Variants in HSBP1L1 observed in about 807,000 individuals in gnomAD.
HSBP1L1 encodes the protein heat shock factor-binding protein 1-like protein 1.
A neutral mutation model predicts 9.7 loss-of-function variants in HSBP1L1; 8 were observed. The ratio of observed to expected loss-of-function variants is 0.82; its 90% CI spans 0.48 to 1.48. The LOEUF (loss-of-function observed/expected upper bound fraction) is 1.48, where lower values mean the gene tolerates loss of function less well. HSBP1L1 is among the 40% of genes most tolerant of loss of function. The probability of loss-of-function intolerance (pLI) is 0.00; values close to 1 mark genes in which losing one functional copy is unlikely to be tolerated. For missense variants in HSBP1L1, 106 were observed against 95.8 expected (o/e 1.11, Z -0.44); for synonymous variants, 39 against 34.4 (o/e 1.13, Z -0.46).
intron 2 of HSBP1L1, 157 bp from the exon 3 acceptor site, chr18:79,967,932 A>T: frequency 1.9e-6 from 1 of 534,812 alleles, no homozygotes. Flanking sequence ...AGGAAAACTC[A>T]GGGAAAGAAG....
intron 3 of HSBP1L1, among the ~76,000 whole-genome samples, chr18:79,969,372 AAAGAAAGAAAGAAAGAAAG>A (rs1365441577): frequency 5.9e-5 from 3 of 50,818 alleles, no homozygotes; most frequent in Non-Finnish European, 1.0e-4. Flanking sequence ...AGAAAGAAAG[AAAGAAAGAAAGAAAGAAAG>A]AAAAAAAAAC....
In HSBP1L1 at chr18:79,970,422, TTA is replaced by T. The variant is rs780798081; in HGVS notation, c.214-16_214-15del. On this transcript the variant is annotated splice_polypyrimidine_tract_variant and intron_variant, in intron 3 of 3. Transcript: ENST00000451882. ...CTGATAGGAGTTACGGCCTGAACGT[TTA>T]TGTCTCCCTAAATAGCTGAAGACCT... 30 of 718,556 alleles carry T rather than the reference TTA, an allele frequency of 4.2e-5. No homozygotes were observed. The African/African-American group carries it at 5.2e-4, about 13-fold the overall frequency. The allele number at this position is 718,556 out of a possible 1,614,324, so 44.5% of individuals were successfully genotyped here.
chr18:79,968,090 G>A lies in HSBP1L1; in HGVS notation c.120G>A (p.Met40Ile). The part of the protein sequence containing the change: ...QALTATLNLR[M>I]EEMGNRIEDL... ...ACGCAGAGCGCCTTAACACTGTACT[G>A]GAAGAAATGGGAAATCGCATTGAGG... is the stretch of plus-strand genomic sequence containing the variant. The change falls in exon 3 of 4, where the codon ATG becomes ATA. Residue 40 changes from methionine to isoleucine, a missense_variant and splice_region_variant. Coordinates refer to ENST00000451882, the MANE Select transcript of HSBP1L1 (RefSeq NM_001136180.2). 1 of 1,545,028 alleles carries A rather than the reference G, an allele frequency of 6.5e-7. No homozygotes were observed. The highest frequency in any genetic ancestry group is 8.8e-7 in the Non-Finnish European group (1 of 1,141,096).
chr18:79,966,642 C>T lies in HSBP1L1; in HGVS notation c.82C>T (p.His28Tyr), dbSNP rs2051258663. 2.6e-6 allele frequency: 4 copies of T among 1,550,346 alleles called. No individual in the cohort carries two copies. Among genetic ancestry groups the T allele is most frequent in the Non-Finnish European group, 3.5e-6 (4 of 1,146,038 alleles). The part of the protein sequence containing the change: ...AENLFQELQE[H>Y]FQALTATLNL... ...AAATCTATTTCAGGAACTTCAGGAA[C>T]ATTTTCAAGCTCTGACGGCAACATT... The change falls in exon 2 of 4, where the codon CAT (histidine) becomes TAT (tyrosine). Residue 28 changes from histidine (H) to tyrosine (Y), a missense_variant. Coordinates refer to ENST00000451882, the MANE Select transcript of HSBP1L1 (RefSeq NM_001136180.2).
Position 79,970,532 on chromosome 18 carries a change from C to A in HSBP1L1, c.*81C>A. 1.4e-6 allele frequency: 1 copy of A among 716,448 alleles called. No homozygotes were observed. The highest frequency in any genetic ancestry group is 1.5e-5 in the South Asian group (1 of 67,526). The allele number at this position is 716,448 out of a possible 1,614,324, so 44.4% of individuals were successfully genotyped here. On this transcript the variant is annotated 3_prime_UTR_variant, in exon 4 of 4. Coordinates refer to ENST00000451882, the MANE Select transcript of HSBP1L1 (RefSeq NM_001136180.2). ...TCGGTCCTGAGGGTGGGGCCCTCAT[C>A]CAACAGGATTCGTCTTTCTGAGAAG...
At chr18:79,966,498 G>A (rs185665415) in intron 1 of HSBP1L1, 114 bp from the exon 2 acceptor site, 31 of 677,532 alleles carry the variant, frequency 4.6e-5, no homozygotes, top group East Asian at 4.3e-4. Flanking sequence ...AGCTGAGATC[G>A]CGCCATTGCA....
Position 79,964,688 on chromosome 18 carries a change from C to T in HSBP1L1, c.-48C>T. On this transcript the variant is annotated 5_prime_UTR_variant, in exon 1 of 4. Transcript: ENST00000451882. ...AGCTGTCGCCACCTCGCGCCGGGTC[C>T]GCGCGGCCCACGGGACCCCCCACTG... is the stretch of plus-strand genomic sequence containing the variant. The T allele has an allele frequency of 8.3e-7, 1 of 1,203,300 alleles. No homozygotes were observed. The highest frequency in any genetic ancestry group is 1.1e-6 in the Non-Finnish European group (1 of 896,966). 74.5% of individuals were successfully genotyped at this position (1,203,300 alleles called of 1,614,324 possible).
intron 3 of HSBP1L1, among the ~76,000 whole-genome samples, chr18:79,969,061 C>T (rs370343077): frequency 6.8e-6 from 1 of 147,832 alleles, no homozygotes; most frequent in African/African-American, 2.5e-5. Context: ...TGGTGGCGGG[C>T]GCCTGTGGTC....
In HSBP1L1 at chr18:79,970,437, T is replaced by C. The variant is rs959559167; in HGVS notation, c.214-3T>C. 9 of 718,440 alleles carry C rather than the reference T, an allele frequency of 1.3e-5. No individual in the cohort carries two copies. Among genetic ancestry groups the C allele is most frequent in the African/African-American group, 5.2e-5 (3 of 57,262 alleles). The allele number at this position is 718,440 out of a possible 1,614,324, so 44.5% of individuals were successfully genotyped here. ...GCCTGAACGTTTATGTCTCCCTAAA[T>C]AGCTGAAGACCTAACTGCAGCATGT... On this transcript the variant is annotated splice_polypyrimidine_tract_variant and splice_region_variant and intron_variant, in intron 3 of 3. Transcript: ENST00000451882.
At chr18:79,969,791 T>G (rs964326878) in intron 3 of HSBP1L1, among the ~76,000 whole-genome samples, 3 of 152,242 alleles carry the variant, frequency 2.0e-5, no homozygotes, top group African/African-American at 4.8e-5. Flanking sequence ...TGTCGACACG[T>G]GTCGCTCTAG....
chr18:79,967,808 A>C, intron 2 of HSBP1L1: 1 of 307,820 alleles, frequency 3.2e-6, no homozygotes. Context: ...TTATTTTTAC[A>C]TACCCAGAGT....
chr18:79,967,571 A>G (rs1449192773), intron 2 of HSBP1L1: 1 of 152,310 alleles, frequency 6.6e-6, no homozygotes, highest in Non-Finnish European at 1.5e-5. Context: ...GGGTTCCCAC[A>G]GGACAAAAAT....
At position 79,970,316 on chromosome 18, in the gene HSBP1L1, CATT is replaced by C. The variant is rs531530136; in HGVS notation, c.214-121_214-119del. On this transcript the variant is annotated intron_variant, in intron 3 of 3. Coordinates refer to ENST00000451882, the MANE Select transcript of HSBP1L1 (RefSeq NM_001136180.2). Reference sequence around the variant, plus strand: ...TAAACTTGAAATACAGAGTCCAAATCATTATGATTTCAACTGTACTGCAGCCAC... The same window carrying C: ...TAAACTTGAAATACAGAGTCCAAATCATGATTTCAACTGTACTGCAGCCAC... The C allele has an allele frequency of 2.5e-3, 1,693 of 686,804 alleles. 6 individuals carry two copies. The highest frequency in any genetic ancestry group is 2.3e-3 in the Non-Finnish European group (850 of 363,936). The allele number at this position is 686,804 out of a possible 1,614,324, so 42.5% of individuals were successfully genotyped here.
intron 3 of HSBP1L1, among the ~76,000 whole-genome samples, chr18:79,969,369 AAGAAAGAAAGAAAG>A (rs1237507550): frequency 2.8e-4 from 14 of 50,236 alleles, no homozygotes; most frequent in African/African-American, 6.4e-4. Flanking sequence ...GAAAGAAAGA[AAGAAAGAAAGAAAG>A]AAAGAAAGAA....
intron 2 of HSBP1L1, chr18:79,967,067 G>C (rs142698081): frequency 0.011 from 1,751 of 153,866 alleles, 49 homozygotes; most frequent in African/African-American, 0.04. Flanking sequence ...AGAATGGTGT[G>C]AACCCGGGAG....
chr18:79,969,330 A>AAAAAGAAAGAAAGAAAGAAAG (rs2051278371), intron 3 of HSBP1L1, among the ~76,000 whole-genome samples: 4 of 66,786 alleles, frequency 6.0e-5, no homozygotes, highest in South Asian at 6.0e-4. Context: ...AGAAAGAAAG[A>AAAAAGAAAGAAAGAAAGAAAG]AAAAGAAAGA....
At chr18:79,966,544 GA>G (rs149080363) in intron 1 of HSBP1L1, 67 bp from the exon 2 acceptor site, 161,391 of 1,017,014 alleles carry the variant, frequency 0.16, 3,092 homozygotes, top group East Asian at 0.27. Flanking sequence ...CTTCATCTCA[GA>G]AAAAAAAAAA....
chr18:79,968,078 T>G lies in HSBP1L1; in HGVS notation c.119-11T>G. On this transcript the variant is annotated splice_polypyrimidine_tract_variant and intron_variant, in intron 2 of 3. Transcript: ENST00000451882. ...GACTCCAGCTCTACGCAGAGCGCCT[T>G]AACACTGTACTGGAAGAAATGGGAA... 1 of 1,532,180 alleles carries G rather than the reference T, an allele frequency of 6.5e-7. No individual in the cohort carries two copies. The highest frequency in any genetic ancestry group is 8.9e-7 in the Non-Finnish European group (1 of 1,129,676). 94.9% of individuals were successfully genotyped at this position (1,532,180 alleles called of 1,614,324 possible).
At chr18:79,969,287 G>C (rs183175900) in intron 3 of HSBP1L1, among the ~76,000 whole-genome samples, 1 of 22,374 alleles carries the variant, frequency 4.5e-5, no homozygotes, top group Admixed American at 5.2e-4. Context: ...AGGGAGGGAG[G>C]GAGGGAGGGA....
Sources: allele counts gnomAD v4.1 joint callset (sites outside exome capture counted in the v4.1 genomes callset), GRCh38; gene constraint gnomAD v4.1.1; transcripts MANE v1.5; gene names NCBI Gene and HGNC (gene_info 2026-07-23, HGNC 2026-07-21).